Variants in AKT3 observed in about 807,000 individuals in gnomAD.
AKT3 encodes the protein AKT serine/threonine kinase 3.
AKT3 carries 15 observed loss-of-function variants against 65.3 expected under a neutral mutation model. The observed-to-expected ratio is 0.23, with a 90% confidence interval of 0.15 to 0.35. The LOEUF (loss-of-function observed/expected upper bound fraction) is 0.35. Among genes scored for constraint, AKT3 ranks in the 10% least tolerant of loss-of-function variants. The pLI, the probability that AKT3 is intolerant of heterozygous loss-of-function variation, is 1.00. For missense variants in AKT3, 243 were observed against 576.5 expected, an observed-to-expected ratio of 0.42 and a Z score of 5.92; for synonymous variants, 206 against 183.8, an observed-to-expected ratio of 1.12 and a Z score of -0.98.
Position 243,499,769 on chromosome 1 carries a change from C to T in AKT3, c.*5480G>A, listed in dbSNP as rs1489827909. On this transcript the variant is annotated 3_prime_UTR_variant, in exon 14 of 14. Transcript: ENST00000673466. ...TATTTTTTCCAGTTACCCAGCATGC[C>T]ACAATCTGATTGCTGACCTGGATGG... 6.2e-7 allele frequency: 1 copy of T among 1,612,406 alleles called. No homozygotes were observed. Among genetic ancestry groups the T allele is most frequent in the East Asian group, 2.2e-5 (1 of 44,878 alleles).
chr1:243,781,607 G>A (rs1360592393), intron 2 of AKT3, among the ~76,000 whole-genome samples: 1 of 151,974 alleles, frequency 6.6e-6, no homozygotes, highest in Admixed American at 6.5e-5. Flanking sequence ...AAATCTTTAT[G>A]GATTCCTAAT....
chr1:243,711,234 G>T (rs1358807974), intron 2 of AKT3, among the ~76,000 whole-genome samples: 1 of 152,010 alleles, frequency 6.6e-6, no homozygotes, highest in Non-Finnish European at 1.5e-5. Flanking sequence ...CAGGAGAATC[G>T]CTTGAAACCC....
chr1:243,660,222 T>C (rs1391595050), intron 4 of AKT3, among the ~76,000 whole-genome samples: 1 of 152,062 alleles, frequency 6.6e-6, no homozygotes, highest in Non-Finnish European at 1.5e-5. Flanking sequence ...AGTGTATGTG[T>C]CGAGGAATTT....
In AKT3 at chr1:243,637,701, G is replaced by A. The variant is rs748616789; in HGVS notation, c.471C>T (p.Gly157=). ...GAACCAAAATAACTTTCCCAAAAGT[G>A]CCTTTACCTAGTAGTTTCAAATAGT... ...DFDYLKLLGK[G]TFGKVILVRE... is the part of the protein sequence containing the mutation. The change falls in exon 6 of 14, where the codon GGC becomes GGT. Residue 157 remains glycine, a synonymous_variant. Transcript: ENST00000673466. 6.3e-7 allele frequency: 1 copy of A among 1,586,930 alleles called. No homozygotes were observed. The highest frequency in any genetic ancestry group is 8.6e-7 in the Non-Finnish European group (1 of 1,157,084).
intron 8 of AKT3, among the ~76,000 whole-genome samples, chr1:243,608,655 G>A (rs561209857): frequency 1.5e-4 from 23 of 150,696 alleles, no homozygotes; most frequent in South Asian, 1.0e-3. Context: ...AATTGTTTAC[G>A]TGTGTTTATT....
chr1:243,684,545 T>A (rs544228018), intron 3 of AKT3, among the ~76,000 whole-genome samples: 1 of 152,236 alleles, frequency 6.6e-6, no homozygotes, highest in African/African-American at 2.4e-5. Flanking sequence ...ATTTTCTTCA[T>A]CCAGTCTATC....
At chr1:243,634,919 G>A (rs1011630634) in intron 6 of AKT3, among the ~76,000 whole-genome samples, 32 of 151,768 alleles carry the variant, frequency 2.1e-4, no homozygotes, top group African/African-American at 7.0e-4. Flanking sequence ...GTAAGGCAAC[G>A]GAAGACTTCG....
At chr1:243,703,703 G>A (rs1336668273) in intron 2 of AKT3, among the ~76,000 whole-genome samples, 1 of 148,204 alleles carries the variant, frequency 6.7e-6, no homozygotes, top group Non-Finnish European at 1.5e-5. Context: ...GGAGGTTGCA[G>A]TGAGCCGAGA....
chr1:243,828,154 T>G (rs968770725), intron 2 of AKT3, among the ~76,000 whole-genome samples: 10 of 152,194 alleles, frequency 6.6e-5, no homozygotes, highest in African/African-American at 2.4e-4. Context: ...AGTTAAATAC[T>G]AAATATTAGT....
At chr1:243,769,576 C>A (rs1455954608) in intron 2 of AKT3, among the ~76,000 whole-genome samples, 1 of 152,048 alleles carries the variant, frequency 6.6e-6, no homozygotes. Flanking sequence ...GTATTATTGG[C>A]CATTTGATTA....
At chr1:243,566,642 T>C (rs1004260663) in intron 9 of AKT3, among the ~76,000 whole-genome samples, 41 of 152,156 alleles carry the variant, frequency 2.7e-4, no homozygotes, top group African/African-American at 9.4e-4. Context: ...GCTTTATCCC[T>C]TATTCACTGT....
At chr1:243,809,008 C>A (rs1692939924) in intron 2 of AKT3, among the ~76,000 whole-genome samples, 1 of 152,156 alleles carries the variant, frequency 6.6e-6, no homozygotes, top group Non-Finnish European at 1.5e-5. Flanking sequence ...ACCAGGTCTG[C>A]CCTAAAAGAG....
At chr1:243,584,877 T>C (rs1223008823) in intron 8 of AKT3, among the ~76,000 whole-genome samples, 1 of 152,056 alleles carries the variant, frequency 6.6e-6, no homozygotes, top group African/African-American at 2.4e-5. Context: ...CTAGTCAATA[T>C]ATTAGTGGAG....
chr1:243,560,655 T>C (rs1458344603), intron 10 of AKT3, among the ~76,000 whole-genome samples: 2 of 152,126 alleles, frequency 1.3e-5, no homozygotes, highest in Non-Finnish European at 2.9e-5. Flanking sequence ...TTAAAAAAGG[T>C]ATACAGAAAT....
intron 2 of AKT3, among the ~76,000 whole-genome samples, chr1:243,834,376 G>T (rs1239272968): frequency 6.6e-6 from 1 of 152,094 alleles, no homozygotes; most frequent in African/African-American, 2.4e-5. Context: ...GGAGCTGGAG[G>T]GTATTACCTA....
At chr1:243,626,269 G>A (rs532947161) in intron 6 of AKT3, among the ~76,000 whole-genome samples, 1 of 152,266 alleles carries the variant, frequency 6.6e-6, no homozygotes, top group Non-Finnish European at 1.5e-5. Flanking sequence ...AAAACAGATA[G>A]TCAACGAAGT....
chr1:243,707,615 T>A (rs949799845), intron 2 of AKT3, among the ~76,000 whole-genome samples: 9 of 152,166 alleles, frequency 5.9e-5, no homozygotes, highest in Non-Finnish European at 7.4e-5. Flanking sequence ...TGGGTTTTTT[T>A]AATTTTAGAT....
At chr1:243,679,743 T>G (rs1683788300) in intron 3 of AKT3, among the ~76,000 whole-genome samples, 1 of 152,186 alleles carries the variant, frequency 6.6e-6, no homozygotes, top group South Asian at 2.1e-4. Flanking sequence ...CTTGTCAGTC[T>G]AAGCCAACTT....
At chr1:243,665,940 A>T (rs1682738011) in intron 3 of AKT3, among the ~76,000 whole-genome samples, 2 of 152,200 alleles carry the variant, frequency 1.3e-5, no homozygotes, top group South Asian at 2.1e-4. Flanking sequence ...CTCCATCATT[A>T]GCAACTATCA....
Sources: allele counts gnomAD v4.1 joint callset (sites outside exome capture counted in the v4.1 genomes callset), GRCh38; gene constraint gnomAD v4.1.1; transcripts MANE v1.5; gene names NCBI Gene and HGNC (gene_info 2026-07-23, HGNC 2026-07-21).